The following NBAS variants were observed in gnomAD, a reference collection of about 807,000 sequenced individuals.
The protein encoded by NBAS is NBAS subunit of NRZ tethering complex.
In NBAS, 219 loss-of-function variants were observed where a neutral mutation model predicts 302.5. That is an observed-to-expected ratio of 0.72 (90% CI 0.65 to 0.81). The LOEUF (loss-of-function observed/expected upper bound fraction) is 0.81, where lower values mean the gene tolerates loss of function less well. NBAS is among the 30% of genes least tolerant of loss of function. The pLI is 0.00. For missense variants in NBAS, 2,932 were observed against 2,841.6 expected (o/e 1.03, Z -0.72); for synonymous variants, 1,118 against 1,021.6 (o/e 1.09, Z -1.80).
intron 35 of NBAS, 106 bp downstream of exon 35, chr2:15,351,870 GCACACACACACACACA>G (rs10605991): frequency 6.3e-5 from 44 of 701,606 alleles, no homozygotes; most frequent in Non-Finnish European, 8.3e-5. Context: ...TGGTCTGCAT[GCACACACACACACACA>G]CACACACACA....
the NBAS span, among the ~76,000 whole-genome samples, chr2:14,844,967 C>G: frequency 6.6e-6 from 1 of 152,210 alleles, no homozygotes; most frequent in African/African-American, 2.4e-5. Flanking sequence ...CAAATGGGGT[C>G]CAGCAGAACA....
chr2:15,325,416 T>G (rs149802451), intron 38 of NBAS, among the ~76,000 whole-genome samples: 338 of 152,298 alleles, frequency 2.2e-3, no homozygotes, highest in African/African-American at 7.3e-3. Context: ...GAGCGTTCAG[T>G]AAGTCCTAAT....
At chr2:15,168,632 A>AT (rs1664145573) in intron 51 of NBAS, among the ~76,000 whole-genome samples, 1 of 151,970 alleles carries the variant, frequency 6.6e-6, no homozygotes, top group African/African-American at 2.4e-5. Context: ...ATTTTATTTT[A>AT]TTTATTTCTT....
chr2:15,498,160 A>G (rs577905285), intron 11 of NBAS, among the ~76,000 whole-genome samples: 18 of 152,254 alleles, frequency 1.2e-4, no homozygotes, highest in Admixed American at 1.1e-3. Context: ...TTCTCCACTA[A>G]GTTATTTCAA....
intron 48 of NBAS, among the ~76,000 whole-genome samples, chr2:15,198,028 A>G (rs565360399): frequency 1.3e-3 from 199 of 152,342 alleles, no homozygotes; most frequent in African/African-American, 4.4e-3. Flanking sequence ...GTCTTCATAT[A>G]TTGTGAGACA....
chr2:15,520,429 C>G (rs1662609251), intron 9 of NBAS, among the ~76,000 whole-genome samples: 2 of 152,096 alleles, frequency 1.3e-5, no homozygotes, highest in Admixed American at 1.3e-4. Context: ...ACGAAAAAAT[C>G]TACGAAGTTC....
intron 38 of NBAS, among the ~76,000 whole-genome samples, chr2:15,320,436 T>A (rs955074095): frequency 2.0e-5 from 3 of 152,112 alleles, no homozygotes; most frequent in African/African-American, 7.2e-5. Context: ...GGTATTCAAT[T>A]AGGAAAAGAG....
At chr2:15,002,006 A>G in the NBAS span, among the ~76,000 whole-genome samples, 3 of 152,170 alleles carry the variant, frequency 2.0e-5, no homozygotes, top group African/African-American at 7.2e-5. Context: ...TGATTGGTAT[A>G]GCCCAGTGGT....
At chr2:15,360,077 G>T (rs1240565616) in intron 32 of NBAS, among the ~76,000 whole-genome samples, 1 of 152,012 alleles carries the variant, frequency 6.6e-6, no homozygotes, top group Admixed American at 6.6e-5. Context: ...CATAGAAAAG[G>T]TACAGTAAAA....
chr2:14,877,953 T>C, the NBAS span, among the ~76,000 whole-genome samples: 895 of 152,268 alleles, frequency 5.9e-3, 10 homozygotes, highest in African/African-American at 0.02. Context: ...TCAGATTCCA[T>C]TATCCTTGTA....
chr2:15,424,777 T>C (rs1677387095), intron 22 of NBAS, among the ~76,000 whole-genome samples: 1 of 152,196 alleles, frequency 6.6e-6, no homozygotes, highest in South Asian at 2.1e-4. Flanking sequence ...GGGAAGCTTT[T>C]ACAAAATATA....
At chr2:15,124,293 T>G in the NBAS span, among the ~76,000 whole-genome samples, 3 of 152,288 alleles carry the variant, frequency 2.0e-5, no homozygotes, top group African/African-American at 7.2e-5. Context: ...TTATGGCTTG[T>G]GTCCTAAGTG....
chr2:15,397,687 C>T (rs189308199), intron 26 of NBAS: 4 of 509,430 alleles, frequency 7.9e-6, no homozygotes, highest in Non-Finnish European at 1.5e-5. Context: ...TGCCCTTGTA[C>T]TCGGGCACAC....
rs141793158 is a variant in NBAS at position 15,238,547 on chromosome 2, A to G, written c.5864T>C (p.Leu1955Ser). 1.7e-5 allele frequency: 27 copies of G among 1,614,050 alleles called. No homozygotes were observed. Among genetic ancestry groups the G allele is most frequent in the Non-Finnish European group, 2.2e-5 (26 of 1,180,034 alleles). Residue 1955 changes from leucine to serine, a missense_variant, in exon 45 of 52, where the codon TTG becomes TCG. Physicochemically the swap from Leu to Ser is moderately radical, Grantham distance 145. Transcript: ENST00000281513. ...GGCAAGTGATTTCTCCAGATGATTC[A>G]AAGTATCTGCATAGGTAACTTTAGA... The part of the protein sequence containing the change: ...KDSKVTYADT[L>S]NHLEKSLAHL...
chr2:15,038,689 C>T, the NBAS span, among the ~76,000 whole-genome samples: 2 of 128,058 alleles, frequency 1.6e-5, no homozygotes, highest in South Asian at 5.3e-4. Context: ...GGAAGCCCTT[C>T]CTCCCCGAGG....
chr2:14,780,417 C>T, the NBAS span, among the ~76,000 whole-genome samples: 1 of 152,140 alleles, frequency 6.6e-6, no homozygotes, highest in Non-Finnish European at 1.5e-5. Flanking sequence ...CTGTGAGAGG[C>T]GATCATGCTC....
At chr2:15,353,759 T>C (rs1673484116) in intron 33 of NBAS, 49 bp from the exon 34 acceptor site, 1 of 1,612,074 alleles carries the variant, frequency 6.2e-7, no homozygotes, top group Non-Finnish European at 8.5e-7. Context: ...AGAAGAATAT[T>C]CAATCTAAGA....
At chr2:15,309,452 T>G (rs1227255136) in intron 38 of NBAS, among the ~76,000 whole-genome samples, 1 of 152,160 alleles carries the variant, frequency 6.6e-6, no homozygotes, top group Non-Finnish European at 1.5e-5. Context: ...AAAAGTATAC[T>G]ATTGGTTACT....
intron 35 of NBAS, among the ~76,000 whole-genome samples, chr2:15,345,260 C>G (rs1418584483): frequency 6.6e-6 from 1 of 152,132 alleles, no homozygotes; most frequent in Non-Finnish European, 1.5e-5. Context: ...TAGAAAACCC[C>G]ATTATCTCAG....
Sources: allele counts gnomAD v4.1 joint callset (sites outside exome capture counted in the v4.1 genomes callset), GRCh38; gene constraint gnomAD v4.1.1; transcripts MANE v1.5; gene names NCBI Gene and HGNC (gene_info 2026-07-23, HGNC 2026-07-21).